GRM7: variants seen among roughly 807,000 people sequenced by gnomAD.
The protein encoded by GRM7 is glutamate metabotropic receptor 7, also known as metabotropic glutamate receptor 7.
GRM7 carries 35 observed loss-of-function variants against 84.5 expected under a neutral mutation model. The observed-to-expected ratio is 0.41, with a 90% CI of 0.32 to 0.55. The LOEUF is 0.55. Ranked by LOEUF, GRM7 falls within the 20% of genes least tolerant of loss-of-function variation. GRM7 has a pLI of 0.19. For synonymous variants in GRM7, 487 were observed against 455.1 expected (o/e 1.07, Z -0.89); for missense variants, 1,003 against 1,194.6 (o/e 0.84, Z 2.36).
At chr3:7,713,119 G>GTTT (rs1553640882) in intron 9 of GRM7, among the ~76,000 whole-genome samples, 11 of 55,638 alleles carry the variant, frequency 2.0e-4, no homozygotes, top group African/African-American at 2.5e-4. Flanking sequence ...TTCGAATTTT[G>GTTT]TTTTGTTTTT....
chr3:7,642,729 C>G (rs985126235), intron 8 of GRM7, among the ~76,000 whole-genome samples: 14 of 152,134 alleles, frequency 9.2e-5, no homozygotes, highest in African/African-American at 3.1e-4. Context: ...ACAATCACGT[C>G]TTAACTGGCA....
intron 2 of GRM7, among the ~76,000 whole-genome samples, chr3:7,172,092 T>C (rs188010346): frequency 6.6e-6 from 1 of 152,318 alleles, no homozygotes; most frequent in Non-Finnish European, 1.5e-5. Context: ...CCATGTATAT[T>C]GTTTTAGCAC....
intron 1 of GRM7, among the ~76,000 whole-genome samples, chr3:7,123,382 G>T (rs1249558991): frequency 6.6e-6 from 1 of 152,168 alleles, no homozygotes; most frequent in Non-Finnish European, 1.5e-5. Flanking sequence ...ACTTTGGGAG[G>T]CCGAGGTGAG....
rs956902188 is a variant in GRM7, at chr3:6,927,479, A to G, written c.519+65572A>G. Among the ~76,000 whole-genome samples the G allele has an allele frequency of 1.1e-3, 88 of 79,116 alleles. 1 individual carries two copies. Among genetic ancestry groups the G allele is most frequent in the African/African-American group, 2.7e-3 (77 of 28,730 alleles). The allele number at this position is 79,116 out of a possible 152,430, so 51.9% of individuals were successfully genotyped here. A position where few individuals can be genotyped will look rare whatever the true frequency, so the allele number is the denominator to read the frequency against. On this transcript the variant is annotated intron_variant, in intron 1 of 9. Transcript: ENST00000357716. ...AAAGAGAGAGAGAAAGAAAGAAAGAAAGAAAGAAAGAAAGAAAGAAAGAAA... is the reference window on the plus strand; with the variant it reads ...AAAGAGAGAGAGAAAGAAAGAAAGAGAGAAAGAAAGAAAGAAAGAAAGAAA...
intron 1 of GRM7, among the ~76,000 whole-genome samples, chr3:6,877,676 T>A (rs1695359575): frequency 6.6e-6 from 1 of 152,040 alleles, no homozygotes; most frequent in Non-Finnish European, 1.5e-5. Flanking sequence ...GAGTAGAAAA[T>A]GGTGTTCGTT....
At chr3:7,508,617 T>C (rs558692169) in intron 7 of GRM7, among the ~76,000 whole-genome samples, 93 of 152,124 alleles carry the variant, frequency 6.1e-4, no homozygotes, top group Non-Finnish European at 1.3e-3. Flanking sequence ...TTCCCAAGGG[T>C]ATCTTTAGCA....
chr3:7,202,545 G>C (rs1311618611), intron 2 of GRM7, among the ~76,000 whole-genome samples: 1 of 152,040 alleles, frequency 6.6e-6, no homozygotes, highest in African/African-American at 2.4e-5. Flanking sequence ...TAGCTGGGCT[G>C]GTCTTGAACT....
At chr3:7,335,478 T>A (rs556560940) in intron 4 of GRM7, among the ~76,000 whole-genome samples, 1 of 151,874 alleles carries the variant, frequency 6.6e-6, no homozygotes, top group Non-Finnish European at 1.5e-5. Context: ...AAGTAGACAA[T>A]TTAAGCTCAT....
chr3:7,664,869 C>G, intron 8 of GRM7, among the ~76,000 whole-genome samples: 1 of 105,228 alleles, frequency 9.5e-6, no homozygotes, highest in East Asian at 2.1e-4. Flanking sequence ...TTTTCTTAGT[C>G]TACTCTTGAT....
intron 4 of GRM7, among the ~76,000 whole-genome samples, chr3:7,313,089 C>A (rs1489803327): frequency 6.6e-6 from 1 of 151,922 alleles, no homozygotes; most frequent in African/African-American, 2.4e-5. Flanking sequence ...CCACCACGCC[C>A]AACTAGTTTT....
intron 1 of GRM7, among the ~76,000 whole-genome samples, chr3:7,139,163 G>T (rs909797044): frequency 2.0e-5 from 3 of 148,920 alleles, no homozygotes; most frequent in Non-Finnish European, 4.5e-5. Flanking sequence ...AGGATTAAAG[G>T]CTATAGGTAT....
chr3:7,426,864 C>T (rs1021329263), intron 5 of GRM7, among the ~76,000 whole-genome samples: 7 of 152,180 alleles, frequency 4.6e-5, no homozygotes, highest in African/African-American at 1.7e-4. Flanking sequence ...ACTAATTTTA[C>T]TTTCCAGGCT....
At chr3:7,692,119 A>T (rs1349670306) in intron 9 of GRM7, among the ~76,000 whole-genome samples, 1 of 152,180 alleles carries the variant, frequency 6.6e-6, no homozygotes, top group Non-Finnish European at 1.5e-5. Context: ...AAGATAGTTT[A>T]CTGTGGCCTT....
rs958369827 is a variant in GRM7, at chr3:7,573,613, G to A, written c.1516-4809G>A. ...ATTATAAGGTCTGCACATTCCTTGC[G>A]GAGTAGCTTTGTCTCTCTACTAGAG... is the stretch of plus-strand genomic sequence containing the variant. On this transcript the variant is annotated intron_variant, in intron 7 of 9. Coordinates refer to ENST00000357716, the MANE Select transcript of GRM7 (RefSeq NM_000844.4). Among the ~76,000 whole-genome samples the A allele has an allele frequency of 1.7e-4, 26 of 152,260 alleles. 1 individual carries two copies. The highest frequency in any genetic ancestry group is 3.9e-4 in the East Asian group (2 of 5,184).
At chr3:6,945,219 C>A (rs561486217) in intron 1 of GRM7, among the ~76,000 whole-genome samples, 46 of 151,340 alleles carry the variant, frequency 3.0e-4, no homozygotes, top group Admixed American at 5.9e-4. Context: ...CGCCTCCCCC[C>A]ACCCCACAAC....
chr3:6,982,812 C>T (rs1694258991), intron 1 of GRM7, among the ~76,000 whole-genome samples: 1 of 151,952 alleles, frequency 6.6e-6, no homozygotes, highest in Non-Finnish European at 1.5e-5. Context: ...ATATTAATAC[C>T]TTATTTTTTA....
rs193294059 is a variant in GRM7 at position 7,519,989 on chromosome 3, T to A, written c.1515+58267T>A. ...GGCTGGTTCGTGCTTCTTCACAGCATGGTTGCTGTTGCTCAGGGCACACAT... is the reference window on the plus strand; with the variant it reads ...GGCTGGTTCGTGCTTCTTCACAGCAAGGTTGCTGTTGCTCAGGGCACACAT... On this transcript the variant is annotated intron_variant, in intron 7 of 9. Coordinates refer to ENST00000357716, the MANE Select transcript of GRM7 (RefSeq NM_000844.4). 103 of 152,366 alleles carry A rather than the reference T, an allele frequency of 6.8e-4. 1 individual carries two copies. Among genetic ancestry groups the A allele is most frequent in the African/African-American group, 2.4e-3 (98 of 41,570 alleles). The allele number at this position is 152,366 out of a possible 1,614,324, so 9.4% of individuals were successfully genotyped here. A position where few individuals can be genotyped will look rare whatever the true frequency, so the allele number is the denominator to read the frequency against.
At chr3:7,299,637 G>A (rs542020499) in intron 3 of GRM7, among the ~76,000 whole-genome samples, 1 of 152,152 alleles carries the variant, frequency 6.6e-6, no homozygotes, top group Non-Finnish European at 1.5e-5. Context: ...CTAGAGGGAT[G>A]TGCTGCTTGT....
chr3:7,592,529 G>T (rs1160510055), intron 8 of GRM7, among the ~76,000 whole-genome samples: 1 of 152,190 alleles, frequency 6.6e-6, no homozygotes, highest in African/African-American at 2.4e-5. Context: ...AGGACAGGTG[G>T]CAGGGCACCA....
Sources: allele counts gnomAD v4.1 joint callset (sites outside exome capture counted in the v4.1 genomes callset), GRCh38; gene constraint gnomAD v4.1.1; transcripts MANE v1.5; gene names NCBI Gene and HGNC (gene_info 2026-07-23, HGNC 2026-07-21).